Variants in SYNE1 observed in about 807,000 individuals in gnomAD.
SYNE1 encodes nesprin-1.
In SYNE1, 616 loss-of-function variants were observed where a neutral mutation model predicts 1,111.0. That is an observed-to-expected ratio of 0.55 (90% CI 0.52 to 0.59). The LOEUF (loss-of-function observed/expected upper bound fraction) is 0.59. Among genes scored for constraint, SYNE1 ranks in the 20% least tolerant of loss-of-function variants. SYNE1 has a pLI of 0.00. For synonymous variants in SYNE1, 3,855 were observed against 3,825.8 expected, an observed-to-expected ratio of 1.01 and a Z score of -0.28; for missense variants, 10,006 against 10,417.0, an observed-to-expected ratio of 0.96 and a Z score of 1.72.
rs2096927273 is a variant in SYNE1 at position 152,361,338 on chromosome 6, A to G, written c.10299+832T>C. 2.0e-5 allele frequency among the ~76,000 whole-genome samples: 3 copies of G among 152,228 alleles called. No individual in the cohort carries two copies. The South Asian group carries it at 6.2e-4, about 31-fold the overall frequency. On this transcript the variant is annotated intron_variant, in intron 64 of 145. Coordinates refer to ENST00000367255, the MANE Select transcript of SYNE1 (RefSeq NM_182961.4). ...CTTATCCTGTAGACAATGGGAAGCC[A>G]ACACAGGACCTCAGGCAGGAAGTGA...
intron 44 of SYNE1, among the ~76,000 whole-genome samples, chr6:152,408,305 T>C (rs2097937268): frequency 6.6e-6 from 1 of 152,182 alleles, no homozygotes; most frequent in Non-Finnish European, 1.5e-5. Flanking sequence ...AAGTGACTTG[T>C]TCTGTGGTCA....
chr6:152,554,199 A>C (rs1213363662), intron 3 of SYNE1, among the ~76,000 whole-genome samples: 1 of 152,136 alleles, frequency 6.6e-6, no homozygotes, highest in Non-Finnish European at 1.5e-5. Context: ...AGCTCTAAAA[A>C]TTTAAACAGT....
chr6:152,279,142 CTTTTCTTT>C (rs1392739419), intron 97 of SYNE1, among the ~76,000 whole-genome samples: 27 of 105,464 alleles, frequency 2.6e-4, no homozygotes, highest in African/African-American at 6.6e-4. Flanking sequence ...TTTTTCTTTT[CTTTTCTTT>C]TTTTTTTTTT....
In SYNE1 at chr6:152,488,447, T is replaced by C. The variant is rs375127907; in HGVS notation, c.996A>G (p.Arg332=). Reference sequence around the variant, plus strand: ...CCACCATCTGTGCTCTTGTCAAATCTCTCTCAAATTGTTCTATCCAAACTT... The same window carrying C: ...CCACCATCTGTGCTCTTGTCAAATCCCTCTCAAATTGTTCTATCCAAACTT... ...EMKVWIEQFE[R]DLTRAQMVES... Residue 332 remains arginine (R), a synonymous_variant, in exon 12 of 146, where the codon AGA becomes AGG. Transcript: ENST00000367255. 2 of 1,609,788 alleles carry C rather than the reference T, an allele frequency of 1.2e-6. No homozygotes were observed. The highest frequency in any genetic ancestry group is 2.7e-5 in the African/African-American group (2 of 74,862).
Position 152,398,662 on chromosome 6 carries a change from G to C in SYNE1, c.7307C>G (p.Thr2436Ser), listed in dbSNP as rs2097770500. The C allele has an allele frequency of 1.9e-6, 3 of 1,613,886 alleles. No individual in the cohort carries two copies. The South Asian group carries it at 3.3e-5, about 18-fold the overall frequency. ...KAAAKESSDR[T>S]GDSKVLEAKL... ...TGCTTCTAGAACTTTGCTGTCACCG[G>C]TGCGATCTGATGATTCTTTTGCTGC... The change falls in exon 49 of 146, where the codon ACC becomes AGC. Residue 2436 changes from threonine to serine, a missense_variant. Around this residue, in one of 7 missense-constraint regions of SYNE1, gnomAD observed 4,955 missense variants for 5,017.2 expected, o/e 0.99. Coordinates refer to ENST00000367255, the MANE Select transcript of SYNE1 (RefSeq NM_182961.4).
intron 58 of SYNE1, 195 bp downstream of exon 58, chr6:152,376,186 C>G (rs985794283): frequency 1.7e-6 from 1 of 587,466 alleles, no homozygotes. Context: ...CTGATGCTAC[C>G]GCTGATCTGA....
chr6:152,471,985 C>A, intron 15 of SYNE1: 2 of 600,874 alleles, frequency 3.3e-6, no homozygotes. Context: ...CCTGCCAACA[C>A]ATCTCTCGTC....
chr6:152,381,499 A>T, intron 55 of SYNE1, 137 bp from the exon 56 acceptor site: 1 of 855,736 alleles, frequency 1.2e-6, no homozygotes. Flanking sequence ...GAATCAATTC[A>T]TCTGTCCACT....
At chr6:152,317,685 G>C (rs985902801) in intron 86 of SYNE1, among the ~76,000 whole-genome samples, 1 of 152,150 alleles carries the variant, frequency 6.6e-6, no homozygotes, top group Non-Finnish European at 1.5e-5. Context: ...AATTATTACA[G>C]ACGTGCAATC....
At position 152,352,240 on chromosome 6, in the gene SYNE1, C is replaced by A. The variant is rs545880965; in HGVS notation, c.11367G>T (p.Glu3789Asp). ...EEGEAERLRK[E>D]IHDHMEQLKE... ...TCAACTGCTCCATGTGATCATGAAT[C>A]TCCTTTCTTAACCTCTCTGCCTCGC... The change falls in exon 70 of 146, where the codon GAG becomes GAT. Residue 3789 changes from glutamate (E) to aspartate (D), a missense_variant. Around this residue, in one of 7 missense-constraint regions of SYNE1, gnomAD observed 4,955 missense variants for 5,017.2 expected, o/e 0.99. Transcript: ENST00000367255. The A allele has an allele frequency of 1.4e-5, 22 of 1,614,144 alleles. No individual in the cohort carries two copies. The African/African-American group carries it at 2.7e-4, about 20-fold the overall frequency.
At position 152,465,476 on chromosome 6, in the gene SYNE1, C is replaced by G; in HGVS notation, c.1730-16G>C. The stretch of plus-strand genomic sequence containing the variant: ...GCTTCTTCCACTGAAACAGATAAAA[C>G]CAATTATAACCCTTATCTCATATTT... On this transcript the variant is annotated splice_polypyrimidine_tract_variant and intron_variant, in intron 17 of 145. Coordinates refer to ENST00000367255, the MANE Select transcript of SYNE1 (RefSeq NM_182961.4). The G allele has an allele frequency of 6.2e-7, 1 of 1,606,888 alleles. No individual in the cohort carries two copies. Among genetic ancestry groups the G allele is most frequent in the Non-Finnish European group, 8.5e-7 (1 of 1,175,858 alleles).
chr6:152,561,285 A>C (rs1452770232), intron 3 of SYNE1, among the ~76,000 whole-genome samples: 1 of 152,196 alleles, frequency 6.6e-6, no homozygotes, highest in East Asian at 1.9e-4. Context: ...CTATCCAAAA[A>C]GACATTTTTT....
intron 25 of SYNE1, among the ~76,000 whole-genome samples, chr6:152,452,146 C>G (rs1431462832): frequency 6.6e-6 from 1 of 152,098 alleles, no homozygotes; most frequent in East Asian, 1.9e-4. Flanking sequence ...AAATGATAAA[C>G]ATAAGCTTCA....
At chr6:152,166,544 G>A (rs2063689883) in intron 130 of SYNE1, among the ~76,000 whole-genome samples, 1 of 152,228 alleles carries the variant, frequency 6.6e-6, no homozygotes, top group African/African-American at 2.4e-5. Flanking sequence ...TGTTCCATAG[G>A]ACCGTCTACA....
At chr6:152,274,294 C>G (rs142346541) in intron 98 of SYNE1, among the ~76,000 whole-genome samples, 99 of 152,254 alleles carry the variant, frequency 6.5e-4, no homozygotes, top group African/African-American at 2.3e-3. Context: ...ATTTACCCAA[C>G]ACAGAGTTCA....
intron 71 of SYNE1, 100 bp downstream of exon 71, chr6:152,350,518 A>AAC: frequency 1.3e-6 from 2 of 1,542,844 alleles, no homozygotes; most frequent in Non-Finnish European, 1.8e-6. Context: ...AAAAAATACT[A>AAC]ACCCGTACCA....
intron 66 of SYNE1, among the ~76,000 whole-genome samples, chr6:152,355,443 T>A (rs2096820410): frequency 6.6e-6 from 1 of 152,232 alleles, no homozygotes; most frequent in Non-Finnish European, 1.5e-5. Context: ...AAAGCTGTAC[T>A]CTAGGCATTG....
intron 10 of SYNE1, among the ~76,000 whole-genome samples, chr6:152,499,968 TA>T (rs1006695412): frequency 1.3e-5 from 2 of 152,212 alleles, no homozygotes; most frequent in Non-Finnish European, 2.9e-5. Context: ...TTCGAATCTC[TA>T]AGGATTTTTG....
intron 130 of SYNE1, among the ~76,000 whole-genome samples, chr6:152,173,566 T>C (rs79730312): frequency 0.04 from 6,115 of 152,292 alleles, 156 homozygotes; most frequent in Middle Eastern, 0.099. Context: ...ATCCAATCTG[T>C]GCACTAACGA....
Sources: allele counts gnomAD v4.1 joint callset (sites outside exome capture counted in the v4.1 genomes callset), GRCh38; gene constraint gnomAD v4.1.1; regional missense constraint gnomAD v4.1.1; transcripts MANE v1.5; gene names NCBI Gene and HGNC (gene_info 2026-07-23, HGNC 2026-07-21).